LAT2: variants seen among roughly 807,000 people sequenced by gnomAD.
LAT2 encodes the protein linker for activation of T cells family member 2, also known as linker for activation of T-cells family member 2.
A neutral mutation model predicts 43.4 loss-of-function variants in LAT2; 23 were observed. That is an observed-to-expected ratio of 0.53 (90% CI 0.38 to 0.75). The LOEUF is 0.75. Ranked by LOEUF, LAT2 falls within the 30% of genes least tolerant of loss-of-function variation. The pLI is 0.00. For synonymous variants in LAT2, 128 were observed against 123.2 expected (o/e 1.04, Z -0.26); for missense variants, 284 against 310.2 (o/e 0.92, Z 0.64).
In LAT2 at chr7:74,220,387, G is replaced by A. The variant is rs1802220868; in HGVS notation, c.265+133G>A. 1 of 1,254,154 alleles carries A rather than the reference G, an allele frequency of 8.0e-7. No homozygotes were observed. The highest frequency in any genetic ancestry group is 1.9e-5 in the Admixed American group (1 of 51,990). 77.7% of individuals were successfully genotyped at this position (1,254,154 alleles called of 1,614,324 possible). A position where few individuals can be genotyped will look rare whatever the true frequency, so the allele number is the denominator to read the frequency against. Reference sequence around the variant, plus strand: ...GAGGCCTCCCCAGGAGAGACACACAGGCTGGGGCAGGGCAGGCTCCTGGAA... The same window carrying A: ...GAGGCCTCCCCAGGAGAGACACACAAGCTGGGGCAGGGCAGGCTCCTGGAA... On this transcript the variant is annotated intron_variant, in intron 7 of 13. Coordinates refer to ENST00000460943, the MANE Select transcript of LAT2 (RefSeq NM_032464.3). The surrounding 1 kb of genome is among the most constrained non-coding windows in gnomAD (Gnocchi z 4.5).
intron 13 of LAT2, among the ~76,000 whole-genome samples, chr7:74,227,267 G>A (rs781853312): frequency 2.0e-5 from 3 of 151,824 alleles, no homozygotes; most frequent in Non-Finnish European, 4.4e-5. Context: ...TGTCACCCAG[G>A]CTGGAGTGCA....
At position 74,211,028 on chromosome 7, in the gene LAT2, CG is replaced by C. The variant is rs1801716338; in HGVS notation, c.-219+941del. On this transcript the variant is annotated intron_variant, in intron 1 of 13. Transcript: ENST00000460943. ...TCCAGCCCAGCCCCGAGAACTTCCC[CG>C]AAGCCAGCTCTTGGCAATCGTTGTT... Among the ~76,000 whole-genome samples, 11 of 152,230 alleles carry C rather than the reference CG, an allele frequency of 7.2e-5. No homozygotes were observed. The South Asian group carries it at 2.3e-3, about 32-fold the overall frequency.
chr7:74,213,639 A>G lies in LAT2; in HGVS notation c.-218-1183A>G, dbSNP rs190297745. 4.5e-3 allele frequency among the ~76,000 whole-genome samples: 674 copies of G among 150,916 alleles called. 3 individuals carry two copies. The highest frequency in any genetic ancestry group is 0.014 in the Middle Eastern group (4 of 286). On this transcript the variant is annotated intron_variant, in intron 1 of 13. Coordinates refer to ENST00000460943, the MANE Select transcript of LAT2 (RefSeq NM_032464.3). ...GGGGTTTCACCATGTTGGTCAGGCT[A>G]GTCTCGAACTCCCGACCTCGTGATC...
At chr7:74,226,942 G>A (rs1429342375) in intron 13 of LAT2, among the ~76,000 whole-genome samples, 2 of 150,248 alleles carry the variant, frequency 1.3e-5, no homozygotes, top group African/African-American at 4.9e-5. Flanking sequence ...CAGGTGAGGG[G>A]AAACTAGTGG....
intron 4 of LAT2, among the ~76,000 whole-genome samples, chr7:74,217,825 C>T (rs1436911603): frequency 6.6e-6 from 1 of 152,234 alleles, no homozygotes; most frequent in Non-Finnish European, 1.5e-5. Context: ...CGAGCAGTCA[C>T]TCATGACCCA....
At position 74,220,654 on chromosome 7, in the gene LAT2, G is replaced by C. The variant is rs1554715064; in HGVS notation, c.301+35G>C. On this transcript the variant is annotated intron_variant, in intron 8 of 13. Coordinates refer to ENST00000460943, the MANE Select transcript of LAT2 (RefSeq NM_032464.3). This position sits in a 1 kb window ranked among gnomAD's most constrained non-coding sequence, Gnocchi z 4.5. ...CTCCTGGAGAAAGGGGGAGGCCATG[G>C]TGGGGGCCACACCCAGGGGCTCAGG... 1 of 1,613,936 alleles carries C rather than the reference G, an allele frequency of 6.2e-7. No homozygotes were observed. The highest frequency in any genetic ancestry group is 1.7e-5 in the Admixed American group (1 of 60,022).
At chr7:74,214,165 AATAT>A (rs1241650824) in intron 1 of LAT2, among the ~76,000 whole-genome samples, 4 of 98,366 alleles carry the variant, frequency 4.1e-5, no homozygotes, top group South Asian at 2.7e-4. Flanking sequence ...TATATATGAA[AATAT>A]ATATATGAAA....
chr7:74,214,188 A>G (rs535189520), intron 1 of LAT2, among the ~76,000 whole-genome samples: 12 of 88,268 alleles, frequency 1.4e-4, no homozygotes, highest in Middle Eastern at 9.6e-3. Context: ...AAATATATAT[A>G]AATATATATA....
At chr7:74,222,036 T>C (rs1802304164) in intron 10 of LAT2, among the ~76,000 whole-genome samples, 1 of 151,776 alleles carries the variant, frequency 6.6e-6, no homozygotes, top group South Asian at 2.1e-4. Flanking sequence ...TGGTGATCCC[T>C]GCAGGCTCTG....
rs782469184 is a variant in LAT2, at chr7:74,220,655, TG to T, written c.301+41del. ...TCCTGGAGAAAGGGGGAGGCCATGGTGGGGGCCACACCCAGGGGCTCAGGCC... is the reference window on the plus strand; with the variant it reads ...TCCTGGAGAAAGGGGGAGGCCATGGTGGGGCCACACCCAGGGGCTCAGGCC... On this transcript the variant is annotated intron_variant, in intron 8 of 13. Coordinates refer to ENST00000460943, the MANE Select transcript of LAT2 (RefSeq NM_032464.3). The surrounding 1 kb of genome is among the most constrained non-coding windows in gnomAD (Gnocchi z 4.5). The T allele has an allele frequency of 6.2e-7, 1 of 1,613,820 alleles. No homozygotes were observed. Among genetic ancestry groups the T allele is most frequent in the Non-Finnish European group, 8.5e-7 (1 of 1,179,882 alleles).
rs371651644 is a variant in LAT2, at chr7:74,215,971, C to G, written c.-5C>G. 3.7e-6 allele frequency: 6 copies of G among 1,613,828 alleles called. No individual in the cohort carries two copies. The Admixed American group carries it at 5.0e-5, about 13-fold the overall frequency. On this transcript the variant is annotated 5_prime_UTR_variant, in exon 3 of 14. Transcript: ENST00000460943. ...GCATCACAAGAGGCAACACCAGGAG[C>G]CAACATGAGCTCGGGGACTGAACTG... is the stretch of plus-strand genomic sequence containing the variant.
At chr7:74,227,357 T>C (rs1802530075) in intron 13 of LAT2, among the ~76,000 whole-genome samples, 1 of 152,042 alleles carries the variant, frequency 6.6e-6, no homozygotes, top group African/African-American at 2.4e-5. Context: ...GTAGCTGGGA[T>C]TACAGGCACA....
chr7:74,224,980 A>C, intron 13 of LAT2: 1 of 411,668 alleles, frequency 2.4e-6, no homozygotes, highest in South Asian at 2.9e-5. Flanking sequence ...TTCAGGGGCA[A>C]AGAAGTGGGC....
At chr7:74,214,099 TAAATATATATATGA>T (rs1266497378) in intron 1 of LAT2, among the ~76,000 whole-genome samples, 2 of 102,630 alleles carry the variant, frequency 1.9e-5, no homozygotes, top group African/African-American at 9.2e-5. Flanking sequence ...AAAATATATA[TAAATATATATATGA>T]AAATATATAT....
chr7:74,219,540 C>T (rs1802182741), intron 4 of LAT2, among the ~76,000 whole-genome samples: 1 of 152,224 alleles, frequency 6.6e-6, no homozygotes, highest in Non-Finnish European at 1.5e-5. Flanking sequence ...GGTTGGGCAC[C>T]CAGTGCACGG....
Position 74,220,137 on chromosome 7 carries a change from A to G in LAT2, c.228-80A>G. On this transcript the variant is annotated intron_variant, in intron 6 of 13. Coordinates refer to ENST00000460943, the MANE Select transcript of LAT2 (RefSeq NM_032464.3). The surrounding 1 kb of genome is among the most constrained non-coding windows in gnomAD (Gnocchi z 4.5). ...CAGGGCTCAGCTATGAAGGCCCCAC[A>G]AGGGGTATGGGGGGATGTGTCCTGG... is the stretch of plus-strand genomic sequence containing the variant. 3 of 1,563,356 alleles carry G rather than the reference A, an allele frequency of 1.9e-6. No individual in the cohort carries two copies. Among genetic ancestry groups the G allele is most frequent in the Admixed American group, 3.5e-5 (2 of 56,946 alleles).
intron 13 of LAT2, among the ~76,000 whole-genome samples, chr7:74,227,087 G>A (rs1375511522): frequency 6.6e-6 from 1 of 151,236 alleles, no homozygotes; most frequent in Non-Finnish European, 1.5e-5. Flanking sequence ...TGTCGCCCAG[G>A]CTGAAGTGCA....
rs1554714360 is a variant in LAT2 at position 74,216,848 on chromosome 7, T to C, written c.118T>C (p.Tyr40His). The change falls in exon 4 of 14, where the codon TAC becomes CAC. Residue 40 changes from tyrosine (Y) to histidine (H), a missense_variant. Transcript: ENST00000460943. ...AGGTGCAAAGAGGTCAGAGAAAATCTACCAGCAGAGAAGTCTGTGAGTTGC... is the reference window on the plus strand; with the variant it reads ...AGGTGCAAAGAGGTCAGAGAAAATCCACCAGCAGAGAAGTCTGTGAGTTGC... Reference protein sequence around the residue: ...RPGAKRSEKIYQQRSLREDQQ... With the variant: ...RPGAKRSEKIHQQRSLREDQQ... The C allele has an allele frequency of 1.2e-6, 2 of 1,613,854 alleles. No individual in the cohort carries two copies. The highest frequency in any genetic ancestry group is 2.2e-5 in the East Asian group (1 of 44,872).
intron 1 of LAT2, among the ~76,000 whole-genome samples, chr7:74,213,572 G>C (rs1307102399): frequency 6.6e-6 from 1 of 151,812 alleles, no homozygotes; most frequent in Non-Finnish European, 1.5e-5. Context: ...TCACAGGCGT[G>C]TGCCACCACA....
Sources: allele counts gnomAD v4.1 joint callset (sites outside exome capture counted in the v4.1 genomes callset), GRCh38; gene constraint gnomAD v4.1.1; non-coding constraint Gnocchi (gnomAD v3.1); transcripts MANE v1.5; gene names NCBI Gene and HGNC (gene_info 2026-07-23, HGNC 2026-07-21).